DSCAM: variants seen among roughly 807,000 people sequenced by gnomAD.
DSCAM encodes DS cell adhesion molecule, also known as cell adhesion molecule DSCAM.
Under a neutral mutation model 217.7 loss-of-function variants are expected in DSCAM, and 47 were observed. The observed-to-expected ratio is 0.22, with a 90% CI of 0.17 to 0.28. DSCAM has a LOEUF of 0.28. DSCAM is among the 10% of genes least tolerant of loss of function. The pLI, the probability that DSCAM is intolerant of heterozygous loss-of-function variation, is 1.00. For synonymous variants in DSCAM, 1,056 were observed against 1,015.3 expected (o/e 1.04, Z -0.76); for missense variants, 2,080 against 2,618.3 (o/e 0.79, Z 4.49).
chr21:40,622,660 C>A (rs2089536814), intron 3 of DSCAM, among the ~76,000 whole-genome samples: 1 of 152,218 alleles, frequency 6.6e-6, no homozygotes, highest in African/African-American at 2.4e-5. Flanking sequence ...AATACCAGCA[C>A]GAGGGGTCTA....
chr21:40,731,851 C>T (rs192461739), intron 1 of DSCAM, among the ~76,000 whole-genome samples: 5 of 151,734 alleles, frequency 3.3e-5, no homozygotes, highest in Admixed American at 3.3e-4. Flanking sequence ...GCCTCAGCCT[C>T]CTGAGCAGAT....
chr21:40,103,567 A>C (rs1015749213), intron 20 of DSCAM, among the ~76,000 whole-genome samples: 2 of 152,136 alleles, frequency 1.3e-5, no homozygotes, highest in African/African-American at 4.8e-5. Context: ...ATGTCATGGC[A>C]GAAAGATCTT....
At chr21:40,278,008 T>C (rs573473865) in intron 10 of DSCAM, among the ~76,000 whole-genome samples, 1 of 152,236 alleles carries the variant, frequency 6.6e-6, no homozygotes, top group South Asian at 2.1e-4. Flanking sequence ...AAAGTTGCTA[T>C]AACTATAAAA....
intron 10 of DSCAM, among the ~76,000 whole-genome samples, chr21:40,281,287 A>C (rs939115638): frequency 1.3e-5 from 2 of 152,182 alleles, no homozygotes; most frequent in Non-Finnish European, 2.9e-5. Context: ...AAGTTCTTGA[A>C]CTATGTATTG....
At chr21:40,547,250 G>A (rs996240636) in intron 3 of DSCAM, among the ~76,000 whole-genome samples, 11 of 152,128 alleles carry the variant, frequency 7.2e-5, no homozygotes, top group East Asian at 1.9e-4. Flanking sequence ...CCCACACCAC[G>A]GCCTTCCTTT....
intron 3 of DSCAM, among the ~76,000 whole-genome samples, chr21:40,651,742 A>AG (rs1189428784): frequency 6.6e-6 from 1 of 152,212 alleles, no homozygotes; most frequent in Non-Finnish European, 1.5e-5. Context: ...CTCAAGAAAT[A>AG]TCTTGGTTTT....
At chr21:40,370,524 G>A (rs1483209857) in intron 3 of DSCAM, among the ~76,000 whole-genome samples, 2 of 152,018 alleles carry the variant, frequency 1.3e-5, no homozygotes, top group Non-Finnish European at 2.9e-5. Context: ...TTGCTTTTGA[G>A]CTTTACATAT....
At chr21:40,342,671 G>A (rs1370801046) in intron 6 of DSCAM, among the ~76,000 whole-genome samples, 5 of 112,210 alleles carry the variant, frequency 4.5e-5, no homozygotes, top group African/African-American at 1.1e-4. Context: ...TTTTGAGACA[G>A]TGTCTCTCTC....
intron 9 of DSCAM, among the ~76,000 whole-genome samples, chr21:40,310,717 C>T (rs1428382140): frequency 1.3e-5 from 2 of 152,178 alleles, no homozygotes; most frequent in Non-Finnish European, 2.9e-5. Flanking sequence ...GGCTGATGTA[C>T]TATTTTGCCC....
chr21:40,293,035 C>A (rs1228317598), intron 10 of DSCAM, among the ~76,000 whole-genome samples: 1 of 152,072 alleles, frequency 6.6e-6, no homozygotes. Flanking sequence ...TGCACTTGGC[C>A]CATTACGATA....
intron 16 of DSCAM, among the ~76,000 whole-genome samples, chr21:40,160,013 G>A (rs1201922232): frequency 6.6e-6 from 1 of 152,220 alleles, no homozygotes; most frequent in African/African-American, 2.4e-5. Flanking sequence ...TTGGTGGGGT[G>A]GGCGGAATCA....
In DSCAM at chr21:40,026,471, G is replaced by GTGTT. The variant is rs1381654074; in HGVS notation, c.5687-13089_5687-13086dup. ...TGATCTGTCTAATGTTGACAGTGGG[G>GTGTT]TGTTAAAGTCTCCCATTATTAATGT... On this transcript the variant is annotated intron_variant, in intron 32 of 32. Transcript: ENST00000400454. Among the ~76,000 whole-genome samples the GTGTT allele has an allele frequency of 1.9e-3, 265 of 139,576 alleles. 1 individual carries two copies. Among genetic ancestry groups the GTGTT allele is most frequent in the African/African-American group, 6.8e-3 (251 of 36,718 alleles). 91.6% of individuals were successfully genotyped at this position (139,576 alleles called of 152,430 possible). A position where few individuals can be genotyped will look rare whatever the true frequency, so the allele number is the denominator to read the frequency against.
chr21:40,203,790 G>A (rs1378545672), intron 11 of DSCAM, among the ~76,000 whole-genome samples: 4 of 152,036 alleles, frequency 2.6e-5, no homozygotes, highest in African/African-American at 4.8e-5. Flanking sequence ...ATTCCTGTAC[G>A]GCTAAAGAGC....
At chr21:40,535,399 G>C (rs933536979) in intron 3 of DSCAM, among the ~76,000 whole-genome samples, 2 of 152,300 alleles carry the variant, frequency 1.3e-5, no homozygotes, top group South Asian at 2.1e-4. Flanking sequence ...TTCAGATCCT[G>C]GCAAATGCCT....
intron 9 of DSCAM, among the ~76,000 whole-genome samples, chr21:40,298,125 T>G (rs7282179): frequency 2.0e-5 from 3 of 149,432 alleles, no homozygotes; most frequent in Admixed American, 2.0e-4. Context: ...CTCTGTTGCC[T>G]AGGTGGAGTG....
At chr21:40,685,349 T>C (rs985400110) in intron 3 of DSCAM, among the ~76,000 whole-genome samples, 2 of 152,048 alleles carry the variant, frequency 1.3e-5, no homozygotes, top group African/African-American at 4.8e-5. Context: ...ACCCTTAGAG[T>C]GGCTCACTGC....
At chr21:40,576,357 A>G (rs2076850442) in intron 3 of DSCAM, among the ~76,000 whole-genome samples, 1 of 152,226 alleles carries the variant, frequency 6.6e-6, no homozygotes, top group Non-Finnish European at 1.5e-5. Flanking sequence ...AGGTAAAACT[A>G]ATTTGTGTTC....
At chr21:40,194,623 T>A (rs568754133) in intron 11 of DSCAM, among the ~76,000 whole-genome samples, 2 of 152,360 alleles carry the variant, frequency 1.3e-5, no homozygotes, top group South Asian at 2.1e-4. Flanking sequence ...TATCAATTTA[T>A]AAATTTGCTT....
chr21:40,345,836 G>A (rs1199662102), intron 6 of DSCAM, among the ~76,000 whole-genome samples: 1 of 152,094 alleles, frequency 6.6e-6, no homozygotes, highest in Non-Finnish European at 1.5e-5. Context: ...AAAAAAAAAA[G>A]TGAAGCTTCT....
Sources: allele counts gnomAD v4.1 joint callset (sites outside exome capture counted in the v4.1 genomes callset), GRCh38; gene constraint gnomAD v4.1.1; transcripts MANE v1.5; gene names NCBI Gene and HGNC (gene_info 2026-07-23, HGNC 2026-07-21).